Variants in MROH2B observed in about 807,000 individuals in gnomAD.
MROH2B encodes maestro heat like repeat family member 2B.
Under a neutral mutation model 208.6 loss-of-function variants are expected in MROH2B, and 177 were observed. The ratio of observed to expected loss-of-function variants is 0.85; its 90% CI spans 0.75 to 0.96. MROH2B has a LOEUF of 0.96. Among genes scored for constraint, MROH2B ranks in the 40% least tolerant of loss-of-function variants. MROH2B has a pLI of 0.00. For synonymous variants in MROH2B, 728 were observed against 659.0 expected, an observed-to-expected ratio of 1.10 and a Z score of -1.60; for missense variants, 2,002 against 1,878.7, an observed-to-expected ratio of 1.07 and a Z score of -1.21.
rs1329480037 is a variant in MROH2B, at chr5:41,064,506, G to A, written c.426C>T (p.Ala142=). 1.9e-6 allele frequency: 3 copies of A among 1,613,106 alleles called. No individual in the cohort carries two copies. The highest frequency in any genetic ancestry group is 2.2e-5 in the East Asian group (1 of 44,894). ...LLTMQTMLRL[A]EDERMKGTFC... Reference sequence around the variant, plus strand: ...AAGTCCCCTTCATCCTTTCATCCTCGGCCAGCCTGAGCATGGTTTGCATGG... The same window carrying A: ...AAGTCCCCTTCATCCTTTCATCCTCAGCCAGCCTGAGCATGGTTTGCATGG... The change falls in exon 5 of 42, where the codon GCC becomes GCT. Residue 142 remains alanine (A), a synonymous_variant. Coordinates refer to ENST00000399564, the MANE Select transcript of MROH2B (RefSeq NM_173489.5).
At position 41,018,716 on chromosome 5, in the gene MROH2B, G is replaced by A. The variant is rs200472364; in HGVS notation, c.2648C>T (p.Ala883Val). The A allele has an allele frequency of 1.9e-6, 3 of 1,613,898 alleles. No individual in the cohort carries two copies. Among genetic ancestry groups the A allele is most frequent in the Admixed American group, 3.3e-5 (2 of 59,984 alleles). The change falls in exon 26 of 42, where the codon GCA becomes GTA. Residue 883 changes from alanine (A) to valine (V), a missense_variant. By Grantham distance (64) the Ala-to-Val change is moderately conservative. Coordinates refer to ENST00000399564, the MANE Select transcript of MROH2B (RefSeq NM_173489.5). ...LKTMMWDNVN[A>V]EDCQEMFNLL... is the part of the protein sequence containing the mutation. ...ATTAAACATTTCTTGACAGTCCTCT[G>A]CATTCACATTATCCCACATCATGGT...
intron 41 of MROH2B, 73 bp from the exon 42 acceptor site, chr5:40,998,231 G>A (rs544509498): frequency 1.6e-6 from 2 of 1,278,948 alleles, no homozygotes; most frequent in South Asian, 1.3e-5. Context: ...ACCAAGCCAA[G>A]GCCCAACTTT....
intron 38 of MROH2B, 97 bp downstream of exon 38, chr5:41,000,581 C>T (rs1741364134): frequency 6.9e-7 from 1 of 1,455,776 alleles, no homozygotes; most frequent in East Asian, 2.4e-5. Flanking sequence ...TAAGGGGTGA[C>T]TTTAGATCTG....
At chr5:41,030,797 CA>C (rs1459790065) in intron 24 of MROH2B, among the ~76,000 whole-genome samples, 2 of 151,966 alleles carry the variant, frequency 1.3e-5, no homozygotes, top group African/African-American at 4.8e-5. Flanking sequence ...ATAGAGAACC[CA>C]AAAATATAGC....
intron 28 of MROH2B, among the ~76,000 whole-genome samples, chr5:41,015,728 G>A (rs1741925875): frequency 6.6e-6 from 1 of 152,222 alleles, no homozygotes; most frequent in South Asian, 2.1e-4. Flanking sequence ...TTTTGCAGAT[G>A]AGAAAGCGGG....
chr5:41,016,498 G>GTTTTTTT lies in MROH2B; in HGVS notation c.2885-1027_2885-1021dup, dbSNP rs10689623. Reference sequence around the variant, plus strand: ...GGCATATTTCTGTTACTACTGTAATGTTTTTTTTTTTTTTTTTTTTTTTTG... The same window carrying GTTTTTTT: ...GGCATATTTCTGTTACTACTGTAATGTTTTTTTTTTTTTTTTTTTTTTTTTTTTTTTG... On this transcript the variant is annotated intron_variant, in intron 28 of 41. Transcript: ENST00000399564. 1.4e-3 allele frequency among the ~76,000 whole-genome samples: 116 copies of GTTTTTTT among 80,794 alleles called. 5 individuals carry two copies. Among genetic ancestry groups the GTTTTTTT allele is most frequent in the South Asian group, 2.7e-3 (5 of 1,870 alleles). The allele number at this position is 80,794 out of a possible 152,430, so 53.0% of individuals were successfully genotyped here. A position where few individuals can be genotyped will look rare whatever the true frequency, so the allele number is the denominator to read the frequency against.
chr5:41,003,697 T>C (rs10512754), intron 37 of MROH2B, among the ~76,000 whole-genome samples: 67,996 of 152,026 alleles, frequency 0.45, 15,475 homozygotes, highest in African/African-American at 0.5. Flanking sequence ...TTATGAAGAA[T>C]GCACTAGAGA....
intron 28 of MROH2B, 99 bp downstream of exon 28, chr5:41,017,751 G>C: frequency 7.5e-7 from 1 of 1,330,128 alleles, no homozygotes; most frequent in Non-Finnish European, 1.0e-6. Context: ...AGAGGAGAGG[G>C]GAGGAGGGAG....
At chr5:41,062,464 A>T (rs1164003651) in intron 5 of MROH2B, among the ~76,000 whole-genome samples, 1 of 152,146 alleles carries the variant, frequency 6.6e-6, no homozygotes, top group African/African-American at 2.4e-5. Context: ...ATCAACATGG[A>T]CACTTCTGAT....
At chr5:41,063,172 A>G (rs1743693608) in intron 5 of MROH2B, among the ~76,000 whole-genome samples, 1 of 152,252 alleles carries the variant, frequency 6.6e-6, no homozygotes, top group Non-Finnish European at 1.5e-5. Flanking sequence ...ATTTAATTTT[A>G]CATTCTTGGT....
At chr5:41,063,792 G>A (rs1273763817) in intron 5 of MROH2B, among the ~76,000 whole-genome samples, 1 of 152,138 alleles carries the variant, frequency 6.6e-6, no homozygotes, top group Non-Finnish European at 1.5e-5. Context: ...AAGAGACCAG[G>A]TCTCCAGTCT....
At chr5:41,003,522 T>C (rs1180778776) in intron 37 of MROH2B, among the ~76,000 whole-genome samples, 2 of 152,230 alleles carry the variant, frequency 1.3e-5, no homozygotes, top group Admixed American at 1.3e-4. Context: ...CCTTAGATTC[T>C]ATTCAATACT....
intron 24 of MROH2B, among the ~76,000 whole-genome samples, chr5:41,027,224 A>G (rs1307170771): frequency 6.6e-6 from 1 of 152,228 alleles, no homozygotes; most frequent in Non-Finnish European, 1.5e-5. Context: ...TGCACAGCAA[A>G]AGAAACTACC....
rs1435453858 is a variant in MROH2B at position 41,067,275 on chromosome 5, A to G, written c.91-57T>C. 11 of 885,668 alleles carry G rather than the reference A, an allele frequency of 1.2e-5. No homozygotes were observed. In the Admixed American group the frequency reaches 2.2e-4, roughly 18 times the overall value. 54.9% of individuals were successfully genotyped at this position (885,668 alleles called of 1,614,324 possible). ...TGGCTTGCAAAAATAAAGGAATCAAATGAAATCCTAATGAATAACACCATT... is the reference window on the plus strand; with the variant it reads ...TGGCTTGCAAAAATAAAGGAATCAAGTGAAATCCTAATGAATAACACCATT... On this transcript the variant is annotated intron_variant, in intron 2 of 41. Transcript: ENST00000399564.
intron 40 of MROH2B, among the ~76,000 whole-genome samples, 161 bp downstream of exon 40, chr5:40,999,516 G>A (rs535320647): frequency 2.0e-5 from 3 of 152,348 alleles, no homozygotes; most frequent in African/African-American, 7.2e-5. Context: ...AGGTTTCTTT[G>A]AGGGAGGATG....
chr5:41,023,627 G>A (rs1386081916), intron 24 of MROH2B, among the ~76,000 whole-genome samples: 1 of 152,122 alleles, frequency 6.6e-6, no homozygotes, highest in African/African-American at 2.4e-5. Context: ...TTATCTAGGA[G>A]AACATCCCCA....
intron 17 of MROH2B, 146 bp downstream of exon 17, chr5:41,047,575 A>T (rs1331476717): frequency 9.0e-6 from 6 of 668,368 alleles, no homozygotes; most frequent in Non-Finnish European, 1.5e-5. Context: ...TCCTTGAGTG[A>T]TCACTTCTAA....
intron 6 of MROH2B, among the ~76,000 whole-genome samples, chr5:41,059,205 C>T (rs183960354): frequency 6.6e-6 from 1 of 152,246 alleles, no homozygotes; most frequent in Non-Finnish European, 1.5e-5. Context: ...CTCCCATTCA[C>T]CTCTCAATCC....
At chr5:41,053,779 C>G (rs1401100789) in intron 11 of MROH2B, among the ~76,000 whole-genome samples, 1 of 152,070 alleles carries the variant, frequency 6.6e-6, no homozygotes, top group African/African-American at 2.4e-5. Context: ...TTTGTATAAT[C>G]ACTCTATTGC....
Sources: gnomAD v4.1 joint callset for allele counts (sites outside exome capture counted in the v4.1 genomes callset) on GRCh38, gnomAD v4.1.1 for gene constraint, MANE v1.5 for transcripts, NCBI Gene and HGNC (gene_info 2026-07-23, HGNC 2026-07-21) for gene names.